Variants in ADGRV1 observed in about 807,000 individuals in gnomAD.
ADGRV1 encodes adhesion G protein-coupled receptor V1, also known as G-protein coupled receptor 98.
Under a neutral mutation model 596.2 loss-of-function variants are expected in ADGRV1, and 359 were observed. The ratio of observed to expected loss-of-function variants is 0.60; its 90% CI spans 0.55 to 0.66. ADGRV1 has a LOEUF of 0.66. ADGRV1 is among the 30% of genes least tolerant of loss of function. The probability of loss-of-function intolerance (pLI) is 0.00; values close to 1 mark genes in which losing one functional copy is unlikely to be tolerated. For missense variants in ADGRV1, 7,274 were observed against 7,575.6 expected, an observed-to-expected ratio of 0.96 and a Z score of 1.48; for synonymous variants, 2,681 against 2,679.2, an observed-to-expected ratio of 1.00 and a Z score of -0.02.
chr5:90,755,017 A>G lies in ADGRV1; in HGVS notation c.11412A>G (p.Arg3804=). 1 of 1,613,358 alleles carries G rather than the reference A, an allele frequency of 6.2e-7. No individual in the cohort carries two copies. The highest frequency in any genetic ancestry group is 8.5e-7 in the Non-Finnish European group (1 of 1,179,334). Residue 3804 remains arginine (R), a synonymous_variant, in exon 55 of 90, where the codon CGA becomes CGG. Coordinates refer to ENST00000405460, the MANE Select transcript of ADGRV1 (RefSeq NM_032119.4). ...NTTTLQLQIA[R]DKGLLGDIAI... Reference sequence around the variant, plus strand: ...CCACTCTTCAGTTACAAATAGCTCGAGATAAAGGACTACTTGGGGATATTG... The same window carrying G: ...CCACTCTTCAGTTACAAATAGCTCGGGATAAAGGACTACTTGGGGATATTG...
rs1313952340 is a variant in ADGRV1, at chr5:91,072,424, ACTT to A, written c.18153-17_18153-15del. 9.5e-6 allele frequency: 15 copies of A among 1,571,330 alleles called. No homozygotes were observed. Among genetic ancestry groups the A allele is most frequent in the South Asian group, 2.2e-5 (2 of 90,162 alleles). On this transcript the variant is annotated intron_variant, in intron 85 of 89. Transcript: ENST00000405460. ...TATTTGCGCTGAAAGTGTCTGAGTT[ACTT>A]CTTCTCATTTCTCTTCCAGGTGTTT...
intron 42 of ADGRV1, among the ~76,000 whole-genome samples, chr5:90,714,745 C>T (rs962960939): frequency 6.6e-6 from 1 of 152,014 alleles, no homozygotes; most frequent in African/African-American, 2.4e-5. Context: ...AATATCTACC[C>T]TTCTTTTTTT....
At chr5:90,763,806 C>T (rs1756779538) in intron 59 of ADGRV1, among the ~76,000 whole-genome samples, 1 of 152,174 alleles carries the variant, frequency 6.6e-6, no homozygotes, top group African/African-American at 2.4e-5. Flanking sequence ...CATTAATTCA[C>T]TTAGGATAAT....
chr5:90,973,288 T>A (rs1318203081), intron 84 of ADGRV1, among the ~76,000 whole-genome samples: 5 of 152,206 alleles, frequency 3.3e-5, no homozygotes, highest in Non-Finnish European at 7.3e-5. Flanking sequence ...GAGGAGCTGG[T>A]ACCATTCCTT....
At chr5:91,053,223 C>G (rs779747793) in intron 85 of ADGRV1, among the ~76,000 whole-genome samples, 2 of 152,194 alleles carry the variant, frequency 1.3e-5, no homozygotes, top group Non-Finnish European at 2.9e-5. Context: ...CCTCTGCAAT[C>G]ACCCTTCACA....
intron 76 of ADGRV1, among the ~76,000 whole-genome samples, chr5:90,824,648 A>G (rs1437396965): frequency 6.6e-6 from 1 of 152,230 alleles, no homozygotes; most frequent in East Asian, 1.9e-4. Flanking sequence ...TTGATCATAT[A>G]GTATGTCCTC....
chr5:91,024,540 C>G (rs1783873459), intron 85 of ADGRV1, among the ~76,000 whole-genome samples: 1 of 152,058 alleles, frequency 6.6e-6, no homozygotes, highest in African/African-American at 2.4e-5. Flanking sequence ...CAAAACTGAA[C>G]TACACAAAAT....
At chr5:90,837,979 A>T (rs1765112279) in intron 77 of ADGRV1, among the ~76,000 whole-genome samples, 1 of 152,036 alleles carries the variant, frequency 6.6e-6, no homozygotes, top group African/African-American at 2.4e-5. Flanking sequence ...CTTATATATT[A>T]TTTGGGTTTA....
At chr5:90,643,627 C>T (rs1767300331) in intron 13 of ADGRV1, among the ~76,000 whole-genome samples, 176 bp from the exon 14 acceptor site, 5 of 152,078 alleles carry the variant, frequency 3.3e-5, no homozygotes, top group Admixed American at 3.3e-4. Flanking sequence ...TCTGGTGTCT[C>T]TTAATTGATA....
intron 85 of ADGRV1, among the ~76,000 whole-genome samples, chr5:91,005,295 T>G (rs990756480): frequency 6.6e-6 from 1 of 152,156 alleles, no homozygotes; most frequent in Non-Finnish European, 1.5e-5. Flanking sequence ...AACAGAATTT[T>G]AAAATTATAT....
intron 84 of ADGRV1, among the ~76,000 whole-genome samples, chr5:90,981,004 G>T (rs1780034194): frequency 1.3e-5 from 2 of 152,140 alleles, no homozygotes; most frequent in Admixed American, 1.3e-4. Context: ...TTTGAGACAG[G>T]TCTCAGTTAA....
intron 50 of ADGRV1, among the ~76,000 whole-genome samples, chr5:90,735,476 T>C (rs570048226): frequency 6.6e-6 from 1 of 152,300 alleles, no homozygotes; most frequent in Admixed American, 6.5e-5. Flanking sequence ...TTGCTTGAGA[T>C]CGTTTTGTCT....
At chr5:90,765,138 C>G (rs1756962905) in intron 59 of ADGRV1, among the ~76,000 whole-genome samples, 1 of 152,080 alleles carries the variant, frequency 6.6e-6, no homozygotes, top group South Asian at 2.1e-4. Context: ...GCTCTCTTCC[C>G]CCAGTTTTCT....
intron 25 of ADGRV1, among the ~76,000 whole-genome samples, chr5:90,678,306 A>G (rs1010909994): frequency 2.6e-5 from 4 of 151,606 alleles, no homozygotes; most frequent in East Asian, 3.9e-4. Context: ...CTTTTTTTCT[A>G]TTGCTGTCAT....
chr5:91,026,652 C>T (rs1329818529), intron 85 of ADGRV1, among the ~76,000 whole-genome samples: 2 of 152,096 alleles, frequency 1.3e-5, no homozygotes, highest in East Asian at 3.9e-4. Flanking sequence ...GCGACAGAGC[C>T]ATTTGTGCTG....
chr5:91,118,514 A>G (rs2126732160), intron 87 of ADGRV1, among the ~76,000 whole-genome samples: 1 of 152,308 alleles, frequency 6.6e-6, no homozygotes, highest in East Asian at 1.9e-4. Context: ...GGACAGAACC[A>G]TTATCACGGA....
chr5:90,774,641 T>C (rs1213782981), intron 60 of ADGRV1, among the ~76,000 whole-genome samples: 2 of 152,110 alleles, frequency 1.3e-5, no homozygotes, highest in Admixed American at 1.3e-4. Flanking sequence ...TGTGTCAGAA[T>C]ACTAGGCAGC....
Position 90,652,442 on chromosome 5 carries a change from A to G in ADGRV1, c.3513A>G (p.Glu1171=). The change falls in exon 19 of 90, where the codon GAA becomes GAG. Residue 1171 remains glutamate, a synonymous_variant. Transcript: ENST00000405460. ...TGCAGCCTGGGCAGGAGTTCTATGA[A>G]ACTTCAGGAACTGTTAACTTCATGG... The part of the protein sequence containing the change: ...SALQPGQEFY[E]TSGTVNFMDG... 2 of 1,613,424 alleles carry G rather than the reference A, an allele frequency of 1.2e-6. No homozygotes were observed. Among genetic ancestry groups the G allele is most frequent in the African/African-American group, 2.7e-5 (2 of 75,042 alleles).
chr5:91,099,674 G>A (rs1002431782), intron 86 of ADGRV1, among the ~76,000 whole-genome samples: 1 of 152,152 alleles, frequency 6.6e-6, no homozygotes, highest in African/African-American at 2.4e-5. Context: ...GAGAGGCCGA[G>A]GTGGGCAGAT....
Sources: gnomAD v4.1 joint callset for allele counts (sites outside exome capture counted in the v4.1 genomes callset) on GRCh38, gnomAD v4.1.1 for gene constraint, MANE v1.5 for transcripts, NCBI Gene and HGNC (gene_info 2026-07-23, HGNC 2026-07-21) for gene names.